Variants in DISP1 observed in about 807,000 individuals in gnomAD.
The protein encoded by DISP1 is dispatched RND transporter family member 1, also known as protein dispatched homolog 1.
DISP1 carries 30 observed loss-of-function variants against 37.3 expected under a neutral mutation model. The observed-to-expected ratio is 0.80, with a 90% CI of 0.60 to 1.09. The LOEUF (loss-of-function observed/expected upper bound fraction) is 1.09, where lower values mean the gene tolerates loss of function less well. Ranked by LOEUF, DISP1 falls within the 50% of genes least tolerant of loss-of-function variation. The probability of loss-of-function intolerance (pLI) is 0.00; values close to 1 mark genes in which losing one functional copy is unlikely to be tolerated. For synonymous variants in DISP1, 634 were observed against 690.2 expected, an observed-to-expected ratio of 0.92 and a Z score of 1.28; for missense variants, 1,598 against 1,879.5, an observed-to-expected ratio of 0.85 and a Z score of 2.77.
At chr1:222,911,421 G>A (rs556868372) in intron 1 of DISP1, among the ~76,000 whole-genome samples, 1 of 152,236 alleles carries the variant, frequency 6.6e-6, no homozygotes, top group East Asian at 1.9e-4. Flanking sequence ...TAGAGCAAGG[G>A]TTAAGGAACT....
intron 1 of DISP1, among the ~76,000 whole-genome samples, chr1:222,821,128 A>G (rs1662768618): frequency 6.6e-6 from 1 of 152,132 alleles, no homozygotes; most frequent in African/African-American, 2.4e-5. Context: ...TTTTGAATGA[A>G]CAATGCACCT....
At chr1:222,939,274 T>G (rs1348351445) in intron 2 of DISP1, among the ~76,000 whole-genome samples, 2 of 152,050 alleles carry the variant, frequency 1.3e-5, no homozygotes, top group Non-Finnish European at 2.9e-5. Flanking sequence ...TCTATTTAAC[T>G]CTTGTGTAAC....
At chr1:222,889,087 A>G (rs928910429) in intron 1 of DISP1, among the ~76,000 whole-genome samples, 2 of 152,066 alleles carry the variant, frequency 1.3e-5, no homozygotes, top group African/African-American at 4.8e-5. Context: ...TTTTTCCCCT[A>G]AGATTCCAAC....
intron 1 of DISP1, chr1:222,835,025 T>C (rs1666703389): frequency 6.6e-6 from 1 of 152,204 alleles, no homozygotes; most frequent in Admixed American, 6.6e-5. Flanking sequence ...CAGTAAGTAC[T>C]ATTGATATAG....
At chr1:222,974,018 A>T (rs1012885446) in intron 3 of DISP1, among the ~76,000 whole-genome samples, 2 of 152,166 alleles carry the variant, frequency 1.3e-5, no homozygotes, top group Non-Finnish European at 2.9e-5. Context: ...GACAACATCG[A>T]TTGTTATGTC....
intron 1 of DISP1, among the ~76,000 whole-genome samples, chr1:222,903,981 C>T (rs541665470): frequency 5.9e-5 from 9 of 152,250 alleles, no homozygotes; most frequent in African/African-American, 1.9e-4. Flanking sequence ...TCAGTGTTTG[C>T]GTGGCAGCCT....
intron 2 of DISP1, among the ~76,000 whole-genome samples, chr1:222,935,160 C>G (rs1439375614): frequency 1.3e-5 from 2 of 152,104 alleles, no homozygotes; most frequent in African/African-American, 4.8e-5. Context: ...TGTATCAAAT[C>G]TTTATTCTAA....
chr1:222,905,509 A>C (rs1165188748), intron 1 of DISP1, among the ~76,000 whole-genome samples: 3 of 152,180 alleles, frequency 2.0e-5, no homozygotes, highest in South Asian at 2.1e-4. Context: ...AGAACGTATA[A>C]ATTTGATTGT....
intron 1 of DISP1, among the ~76,000 whole-genome samples, chr1:222,864,890 C>G (rs1275783511): frequency 6.6e-6 from 1 of 152,096 alleles, no homozygotes; most frequent in Non-Finnish European, 1.5e-5. Flanking sequence ...AGACTCATTC[C>G]CAAATTATAT....
At chr1:222,923,334 C>CT (rs939385815) in intron 1 of DISP1, among the ~76,000 whole-genome samples, 1 of 152,126 alleles carries the variant, frequency 6.6e-6, no homozygotes, top group East Asian at 1.9e-4. Context: ...GCATATGACT[C>CT]TTGAGCACTT....
At chr1:222,923,127 G>A (rs946919752) in intron 1 of DISP1, among the ~76,000 whole-genome samples, 1 of 152,168 alleles carries the variant, frequency 6.6e-6, no homozygotes, top group Non-Finnish European at 1.5e-5. Flanking sequence ...GAATTTTTCA[G>A]GCTAGGGGAA....
chr1:222,867,686 ATAGT>A (rs1392614821), intron 1 of DISP1, among the ~76,000 whole-genome samples: 2 of 152,198 alleles, frequency 1.3e-5, no homozygotes, highest in Non-Finnish European at 2.9e-5. Context: ...TGTCACATCA[ATAGT>A]TAGTGGCAAA....
rs750659344 is a variant in DISP1 at position 223,004,455 on chromosome 1, A to G, written c.3058A>G (p.Ile1020Val). The change falls in exon 9 of 9, where the codon ATA (isoleucine) becomes GTA (valine). Residue 1020 changes from isoleucine (I) to valine (V), a missense_variant. Physicochemically the swap from Ile to Val is conservative, Grantham distance 29. Coordinates refer to ENST00000675850, the MANE Select transcript of DISP1 (RefSeq NM_001377229.1). This position sits in a 1 kb window ranked among gnomAD's most constrained non-coding sequence, Gnocchi z 4.9. ...LYAIISIAGT[I>V]FVTVGSLVLL... Reference sequence around the variant, plus strand: ...TGCCATCATTTCAATTGCTGGAACGATATTTGTCACTGTTGGTTCTCTTGT... The same window carrying G: ...TGCCATCATTTCAATTGCTGGAACGGTATTTGTCACTGTTGGTTCTCTTGT... 2 of 1,614,026 alleles carry G rather than the reference A, an allele frequency of 1.2e-6. No individual in the cohort carries two copies. The highest frequency in any genetic ancestry group is 1.7e-6 in the Non-Finnish European group (2 of 1,180,044).
At chr1:222,965,226 T>C (rs77252810) in intron 3 of DISP1, among the ~76,000 whole-genome samples, 3,636 of 152,272 alleles carry the variant, frequency 0.024, 131 homozygotes, top group African/African-American at 0.083. Context: ...TTCTTTAACC[T>C]CTCTGTGCCT....
At chr1:222,934,285 T>G (rs987733878) in intron 2 of DISP1, among the ~76,000 whole-genome samples, 1 of 152,066 alleles carries the variant, frequency 6.6e-6, no homozygotes, top group Admixed American at 6.6e-5. Context: ...GATTCTCAGT[T>G]TTCTCTGTAA....
intron 1 of DISP1, among the ~76,000 whole-genome samples, chr1:222,914,835 C>A (rs912775811): frequency 6.6e-6 from 1 of 152,010 alleles, no homozygotes; most frequent in African/African-American, 2.4e-5. Context: ...GGGACGGTAG[C>A]CTGCCCCTGT....
chr1:222,833,986 G>T (rs982654211), intron 1 of DISP1, among the ~76,000 whole-genome samples: 5 of 152,114 alleles, frequency 3.3e-5, no homozygotes. Context: ...CAGTGTCCTT[G>T]GTACATGGTG....
At chr1:222,989,404 G>A (rs17478205) in intron 4 of DISP1, 552,344 of 984,868 alleles carry the variant, frequency 0.56, 159,231 homozygotes, top group Non-Finnish European at 0.59. Context: ...TTTAGAAAAC[G>A]TTCAGTTTAG....
intron 1 of DISP1, among the ~76,000 whole-genome samples, chr1:222,839,705 C>T (rs377193822): frequency 4.2e-4 from 64 of 152,130 alleles, no homozygotes; most frequent in East Asian, 5.8e-4. Flanking sequence ...GAGGCTGAGG[C>T]GGGTGGATCA....
Sources: gnomAD v4.1 joint callset for allele counts (sites outside exome capture counted in the v4.1 genomes callset) on GRCh38, gnomAD v4.1.1 for gene constraint, Gnocchi (gnomAD v3.1) non-coding constraint, MANE v1.5 for transcripts, NCBI Gene and HGNC (gene_info 2026-07-23, HGNC 2026-07-21) for gene names.